The following GRIK4 variants were observed in gnomAD, a reference collection of about 807,000 sequenced individuals.
The protein encoded by GRIK4 is glutamate ionotropic receptor kainate type subunit 4.
In GRIK4, 40 loss-of-function variants were observed where a neutral mutation model predicts 104.9. The observed-to-expected ratio is 0.38, with a 90% CI of 0.30 to 0.50. The LOEUF (loss-of-function observed/expected upper bound fraction) is 0.50. Ranked by LOEUF, GRIK4 falls within the 20% of genes least tolerant of loss-of-function variation. GRIK4 has a pLI of 0.93. For missense variants in GRIK4, 1,047 were observed against 1,308.1 expected, an observed-to-expected ratio of 0.80 and a Z score of 3.08; for synonymous variants, 485 against 524.9, an observed-to-expected ratio of 0.92 and a Z score of 1.04.
chr11:120,846,593 C>T (rs1401638378), intron 8 of GRIK4, among the ~76,000 whole-genome samples: 1 of 152,158 alleles, frequency 6.6e-6, no homozygotes, highest in Non-Finnish European at 1.5e-5. Context: ...CCAGAGCCAG[C>T]CAAGGAAGTC....
Position 120,967,112 on chromosome 11 carries a change from G to A in GRIK4, c.2267-83G>A, listed in dbSNP as rs2276319. 836,232 of 1,463,536 alleles carry A rather than the reference G, an allele frequency of 0.57. 243,071 individuals are homozygous for A. The highest frequency in any genetic ancestry group is 0.65 in the Middle Eastern group (3,615 of 5,532). The allele number at this position is 1,463,536 out of a possible 1,614,324, so 90.7% of individuals were successfully genotyped here. A position where few individuals can be genotyped will look rare whatever the true frequency, so the allele number is the denominator to read the frequency against. On this transcript the variant is annotated intron_variant, in intron 18 of 20. Coordinates refer to ENST00000527524, the MANE Select transcript of GRIK4 (RefSeq NM_014619.5). The surrounding 1 kb of genome is among the most constrained non-coding windows in gnomAD (Gnocchi z 4.2). ...AGGTGAAAGCAGGCAGGGTGGCCAG[G>A]AGGTGTGCCGGGAAGGGGAGCAGAG... is the stretch of plus-strand genomic sequence containing the variant.
At chr11:120,649,899 C>G (rs887276215) in intron 1 of GRIK4, among the ~76,000 whole-genome samples, 1 of 152,248 alleles carries the variant, frequency 6.6e-6, no homozygotes, top group Non-Finnish European at 1.5e-5. Flanking sequence ...CCAGGTGTCT[C>G]TGCTCTAAGT....
At chr11:120,638,379 A>G (rs914866484) in intron 1 of GRIK4, among the ~76,000 whole-genome samples, 1 of 152,316 alleles carries the variant, frequency 6.6e-6, no homozygotes, top group South Asian at 2.1e-4. Context: ...AGTAACCTGC[A>G]TGGGATCACA....
At chr11:120,542,040 C>G (rs1160512318) in intron 1 of GRIK4, among the ~76,000 whole-genome samples, 1 of 152,110 alleles carries the variant, frequency 6.6e-6, no homozygotes, top group Non-Finnish European at 1.5e-5. Flanking sequence ...AGACATCATA[C>G]TTCCTGATTT....
intron 3 of GRIK4, among the ~76,000 whole-genome samples, chr11:120,791,694 T>C (rs1952397319): frequency 6.6e-6 from 1 of 152,228 alleles, no homozygotes; most frequent in Admixed American, 6.5e-5. Context: ...AAAGATTTTC[T>C]TCTAGTAGTT....
chr11:120,831,403 C>T (rs1282353266), intron 6 of GRIK4, among the ~76,000 whole-genome samples: 1 of 152,342 alleles, frequency 6.6e-6, no homozygotes, highest in Admixed American at 6.5e-5. Context: ...TGTGATAATT[C>T]TAACTTCTCA....
intron 3 of GRIK4, among the ~76,000 whole-genome samples, chr11:120,759,054 G>A (rs1951700105): frequency 1.3e-5 from 2 of 152,202 alleles, no homozygotes. Flanking sequence ...GACAGGGATG[G>A]TGCATAGCAC....
intron 3 of GRIK4, among the ~76,000 whole-genome samples, chr11:120,683,518 C>T (rs918217323): frequency 1.3e-5 from 2 of 152,038 alleles, no homozygotes; most frequent in African/African-American, 2.4e-5. Context: ...GAAGAGGTCC[C>T]AGGTGGCGAC....
chr11:120,684,850 C>CA (rs1199265715), intron 3 of GRIK4, among the ~76,000 whole-genome samples: 2 of 152,210 alleles, frequency 1.3e-5, no homozygotes, highest in Non-Finnish European at 2.9e-5. Context: ...GCTGGGACTA[C>CA]AGGCGCCCGC....
chr11:120,984,247 C>T (rs193229089), intron 20 of GRIK4, among the ~76,000 whole-genome samples: 2 of 152,242 alleles, frequency 1.3e-5, no homozygotes, highest in East Asian at 1.9e-4. Context: ...TAGAATTGGA[C>T]GAAAGAACAT....
At chr11:120,694,902 A>T (rs1950417418) in intron 3 of GRIK4, among the ~76,000 whole-genome samples, 1 of 152,148 alleles carries the variant, frequency 6.6e-6, no homozygotes, top group Non-Finnish European at 1.5e-5. Context: ...AACACTTCCC[A>T]TTGGCTCCCG....
intron 19 of GRIK4, among the ~76,000 whole-genome samples, chr11:120,970,232 A>G (rs1394973012): frequency 2.0e-5 from 3 of 152,212 alleles, no homozygotes; most frequent in Non-Finnish European, 4.4e-5. Context: ...TCCTCTGAAC[A>G]GCTGACGGAA....
intron 1 of GRIK4, among the ~76,000 whole-genome samples, chr11:120,604,417 C>T (rs1948930975): frequency 6.6e-6 from 1 of 152,208 alleles, no homozygotes; most frequent in African/African-American, 2.4e-5. Flanking sequence ...AATGGGGAAG[C>T]ACCGTTTGGA....
intron 1 of GRIK4, among the ~76,000 whole-genome samples, chr11:120,540,570 T>C (rs1044817809): frequency 7.2e-5 from 11 of 151,942 alleles, no homozygotes; most frequent in African/African-American, 2.4e-5. Context: ...GCAGAGATCG[T>C]GCCACTGCGC....
intron 1 of GRIK4, among the ~76,000 whole-genome samples, chr11:120,615,218 G>T (rs577571973): frequency 5.1e-4 from 78 of 152,298 alleles, no homozygotes; most frequent in African/African-American, 1.2e-3. Flanking sequence ...TATGCAGCTT[G>T]TAGGAGGCCG....
chr11:120,864,486 C>T (rs748572689), intron 9 of GRIK4, among the ~76,000 whole-genome samples: 5 of 152,066 alleles, frequency 3.3e-5, no homozygotes, highest in African/African-American at 4.8e-5. Context: ...GTGATCCGCC[C>T]GCCTCGGCCT....
At chr11:120,907,380 A>C (rs558232831) in intron 13 of GRIK4, among the ~76,000 whole-genome samples, 94 of 152,260 alleles carry the variant, frequency 6.2e-4, no homozygotes, top group African/African-American at 2.1e-3. Flanking sequence ...CAAGGAGAGG[A>C]GTCTGGGACT....
At chr11:120,923,247 C>T (rs1203092290) in intron 13 of GRIK4, among the ~76,000 whole-genome samples, 3 of 152,142 alleles carry the variant, frequency 2.0e-5, no homozygotes, top group South Asian at 2.1e-4. Flanking sequence ...GAAAAACTTA[C>T]CAGGTGGGAT....
chr11:120,712,717 C>A (rs1950759877), intron 3 of GRIK4, among the ~76,000 whole-genome samples: 1 of 152,106 alleles, frequency 6.6e-6, no homozygotes, highest in Non-Finnish European at 1.5e-5. Flanking sequence ...GTCCAAATCT[C>A]AGCCTTATCA....
Sources: gnomAD v4.1 joint callset for allele counts (sites outside exome capture counted in the v4.1 genomes callset) on GRCh38, gnomAD v4.1.1 for gene constraint, Gnocchi (gnomAD v3.1) non-coding constraint, MANE v1.5 for transcripts, NCBI Gene and HGNC (gene_info 2026-07-23, HGNC 2026-07-21) for gene names.